Variants in EHBP1 observed in about 807,000 individuals in gnomAD.
EHBP1 encodes the protein EH domain binding protein 1.
A neutral mutation model predicts 144.0 loss-of-function variants in EHBP1; 55 were observed. The observed-to-expected ratio is 0.38, with a 90% CI of 0.31 to 0.48. EHBP1 has a LOEUF of 0.48. Ranked by LOEUF, EHBP1 falls within the 20% of genes least tolerant of loss-of-function variation. The pLI is 0.98. For missense variants in EHBP1, 1,200 were observed against 1,364.2 expected (o/e 0.88, Z 1.90); for synonymous variants, 469 against 472.7 (o/e 0.99, Z 0.10).
At chr2:62,910,882 A>G (rs963976452) in intron 10 of EHBP1, among the ~76,000 whole-genome samples, 5 of 152,214 alleles carry the variant, frequency 3.3e-5, no homozygotes, top group African/African-American at 9.6e-5. Context: ...AATTGAATAA[A>G]TGAATCTTAA....
At chr2:62,925,262 G>T (rs1158244099) in intron 10 of EHBP1, among the ~76,000 whole-genome samples, 2 of 152,026 alleles carry the variant, frequency 1.3e-5, no homozygotes, top group African/African-American at 4.8e-5. Flanking sequence ...CTGAATGAGG[G>T]TGAAAGCTTT....
At chr2:63,007,934 A>C (rs1472699848) in intron 19 of EHBP1, among the ~76,000 whole-genome samples, 1 of 149,032 alleles carries the variant, frequency 6.7e-6, no homozygotes, top group East Asian at 1.9e-4. Context: ...TTTAGAAGAC[A>C]AACAGTTTAA....
At position 62,993,984 on chromosome 2, in the gene EHBP1, T is replaced by G; in HGVS notation, c.2979+7T>G. On this transcript the variant is annotated splice_region_variant and intron_variant, in intron 18 of 22. Coordinates refer to ENST00000431489, the MANE Select transcript of EHBP1 (RefSeq NM_001142616.3). ...AGAAGATGAAGTGCTTAATGTATAT[T>G]AATTTTTTGTGTGGTTTCATGATTG... is the stretch of plus-strand genomic sequence containing the variant. 13 of 1,543,772 alleles carry G rather than the reference T, an allele frequency of 8.4e-6. No individual in the cohort carries two copies. The highest frequency in any genetic ancestry group is 1.1e-5 in the Non-Finnish European group (12 of 1,138,930).
At position 62,826,077 on chromosome 2, in the gene EHBP1, A is replaced by G. The variant is rs749081770; in HGVS notation, c.313-10A>G. On this transcript the variant is annotated splice_polypyrimidine_tract_variant and intron_variant, in intron 5 of 22. Transcript: ENST00000431489. ...AAAATTACATACTTTTTTTTTCTTT[A>G]ATCTTCCAGGAATCCCCTTCTGGTC... 2 of 1,437,926 alleles carry G rather than the reference A, an allele frequency of 1.4e-6. No homozygotes were observed. The highest frequency in any genetic ancestry group is 1.8e-4 in the Middle Eastern group (1 of 5,428). The allele number at this position is 1,437,926 out of a possible 1,614,324, so 89.1% of individuals were successfully genotyped here. A position where few individuals can be genotyped will look rare whatever the true frequency, so the allele number is the denominator to read the frequency against.
chr2:62,777,834 T>G (rs2042151808), intron 5 of EHBP1, among the ~76,000 whole-genome samples: 1 of 151,990 alleles, frequency 6.6e-6, no homozygotes. Context: ...CAGAGTTTAG[T>G]CTTGAAGGAA....
intron 14 of EHBP1, among the ~76,000 whole-genome samples, chr2:62,960,435 A>G (rs1034708678): frequency 1.3e-5 from 2 of 152,164 alleles, no homozygotes; most frequent in African/African-American, 2.4e-5. Flanking sequence ...CACTGTCCTC[A>G]TGGCTCCTTG....
At chr2:63,019,963 C>T (rs1200409754) in intron 19 of EHBP1, among the ~76,000 whole-genome samples, 1 of 151,220 alleles carries the variant, frequency 6.6e-6, no homozygotes, top group Non-Finnish European at 1.5e-5. Flanking sequence ...CCGAGGCAGG[C>T]GGATTGCCTG....
At chr2:62,856,446 G>A (rs1329079208) in intron 7 of EHBP1, among the ~76,000 whole-genome samples, 1 of 152,154 alleles carries the variant, frequency 6.6e-6, no homozygotes, top group Non-Finnish European at 1.5e-5. Flanking sequence ...TGCCACACAT[G>A]GAGCTTCCCA....
intron 14 of EHBP1, among the ~76,000 whole-genome samples, chr2:62,963,412 A>G (rs1425997596): frequency 6.6e-6 from 1 of 152,240 alleles, no homozygotes; most frequent in Admixed American, 6.5e-5. Context: ...AATTGGTAAA[A>G]AACACTAAAC....
chr2:62,898,620 C>T (rs1382563290), intron 10 of EHBP1, among the ~76,000 whole-genome samples: 1 of 152,102 alleles, frequency 6.6e-6, no homozygotes, highest in African/African-American at 2.4e-5. Flanking sequence ...ATCACTATAT[C>T]ATACCTATGT....
chr2:62,921,194 C>CT (rs2055050179), intron 10 of EHBP1, among the ~76,000 whole-genome samples: 1 of 152,022 alleles, frequency 6.6e-6, no homozygotes, highest in Non-Finnish European at 1.5e-5. Context: ...GCCTGTAATC[C>CT]CAGCACTTTG....
intron 10 of EHBP1, among the ~76,000 whole-genome samples, chr2:62,906,926 C>G (rs931904264): frequency 1.3e-5 from 2 of 152,002 alleles, no homozygotes; most frequent in Non-Finnish European, 2.9e-5. Context: ...CTTTTTTTCA[C>G]TTAGCATAAT....
intron 19 of EHBP1, among the ~76,000 whole-genome samples, chr2:63,024,074 G>A (rs1330727879): frequency 1.3e-5 from 2 of 152,136 alleles, no homozygotes; most frequent in South Asian, 2.1e-4. Context: ...AGCCAGGCGC[G>A]GTGGCTCACA....
At position 62,780,116 on chromosome 2, in the gene EHBP1, T is replaced by C. The variant is rs537743912; in HGVS notation, c.312+8724T>C. Among the ~76,000 whole-genome samples the C allele has an allele frequency of 1.4e-4, 22 of 152,206 alleles. No homozygotes were observed. In the South Asian group the frequency reaches 2.1e-3, roughly 14 times the overall value. On this transcript the variant is annotated intron_variant, in intron 5 of 22. Transcript: ENST00000431489. ...TTTAACTTAACTGCCTTTTAGATGA[T>C]CTCTCTGACCTGTTAGGCTGCACAT...
intron 5 of EHBP1, among the ~76,000 whole-genome samples, chr2:62,813,415 CAG>C (rs2045187187): frequency 1.3e-5 from 2 of 152,224 alleles, no homozygotes; most frequent in African/African-American, 4.8e-5. Flanking sequence ...GAAGCCACCA[CAG>C]AGAGTCCCCA....
intron 4 of EHBP1, among the ~76,000 whole-genome samples, chr2:62,768,935 G>T (rs2152343479): frequency 6.6e-6 from 1 of 152,338 alleles, no homozygotes; most frequent in East Asian, 1.9e-4. Flanking sequence ...CTCAATAGAT[G>T]CAGAAAAGGC....
At chr2:62,679,438 T>G (rs1009856095) in intron 1 of EHBP1, among the ~76,000 whole-genome samples, 1 of 152,220 alleles carries the variant, frequency 6.6e-6, no homozygotes, top group African/African-American at 2.4e-5. Context: ...TTTAGCACTT[T>G]TTTGTTCCTG....
intron 2 of EHBP1, 101 bp downstream of exon 2, chr2:62,707,396 A>T: frequency 1.2e-6 from 1 of 832,868 alleles, no homozygotes; most frequent in African/African-American, 1.7e-5. Context: ...TCTATAGTGC[A>T]CTAGTGTGTA....
chr2:62,965,997 A>G (rs1055619766), intron 14 of EHBP1, among the ~76,000 whole-genome samples: 7 of 152,232 alleles, frequency 4.6e-5, no homozygotes, highest in African/African-American at 1.4e-4. Context: ...GTTTACAAAT[A>G]CAAACAAGCC....
Sources: allele counts gnomAD v4.1 joint callset (sites outside exome capture counted in the v4.1 genomes callset), GRCh38; gene constraint gnomAD v4.1.1; transcripts MANE v1.5; gene names NCBI Gene and HGNC (gene_info 2026-07-23, HGNC 2026-07-21).